Variants in GPC5 observed in about 807,000 individuals in gnomAD.
GPC5 encodes the protein glypican-5.
Under a neutral mutation model 53.9 loss-of-function variants are expected in GPC5, and 47 were observed. The observed-to-expected ratio is 0.87, with a 90% CI of 0.69 to 1.11. The LOEUF (loss-of-function observed/expected upper bound fraction) is 1.11, where lower values mean the gene tolerates loss of function less well. Ranked by LOEUF, GPC5 falls within the 50% of genes most tolerant of loss-of-function variation. GPC5 has a pLI of 0.00. For synonymous variants in GPC5, 286 were observed against 263.3 expected (o/e 1.09, Z -0.84); for missense variants, 748 against 713.1 (o/e 1.05, Z -0.56).
chr13:91,761,557 C>G (rs117838940), intron 5 of GPC5, among the ~76,000 whole-genome samples: 3,076 of 152,248 alleles, frequency 0.02, 56 homozygotes, highest in Non-Finnish European at 0.034. Context: ...GTTTCTACAA[C>G]CCCCTCTTTG....
chr13:91,612,077 T>A (rs1167896442), intron 2 of GPC5, among the ~76,000 whole-genome samples: 8 of 152,180 alleles, frequency 5.3e-5, no homozygotes, highest in Admixed American at 1.3e-4. Flanking sequence ...TAGTTATCAC[T>A]CTTAGTTGTA....
At chr13:92,807,896 T>A (rs2138794633) in intron 7 of GPC5, among the ~76,000 whole-genome samples, 1 of 152,242 alleles carries the variant, frequency 6.6e-6, no homozygotes, top group South Asian at 2.1e-4. Context: ...ATATGCCAGG[T>A]ATGAAAATTA....
chr13:92,151,511 A>G (rs2041907342), intron 7 of GPC5, among the ~76,000 whole-genome samples: 1 of 152,182 alleles, frequency 6.6e-6, no homozygotes, highest in Non-Finnish European at 1.5e-5. Flanking sequence ...GATTAAGGAC[A>G]TTTGGAACTG....
At chr13:92,672,000 T>C (rs61975943) in intron 7 of GPC5, among the ~76,000 whole-genome samples, 33,644 of 152,076 alleles carry the variant, frequency 0.22, 4,384 homozygotes, top group South Asian at 0.36. Flanking sequence ...TGCAGGGCCA[T>C]TGACTGACTC....
At chr13:92,763,828 T>A (rs2138740651) in intron 7 of GPC5, among the ~76,000 whole-genome samples, 1 of 152,134 alleles carries the variant, frequency 6.6e-6, no homozygotes, top group Admixed American at 6.5e-5. Flanking sequence ...AAGGAGGAAG[T>A]GGTGTTTTGG....
At chr13:92,629,039 C>T (rs1594362988) in intron 7 of GPC5, among the ~76,000 whole-genome samples, 1 of 152,300 alleles carries the variant, frequency 6.6e-6, no homozygotes, top group East Asian at 1.9e-4. Flanking sequence ...CTACGCCTAT[C>T]TTGTAACTTT....
intron 7 of GPC5, among the ~76,000 whole-genome samples, chr13:92,715,911 C>CTAGTT (rs1888312741): frequency 2.6e-5 from 4 of 152,118 alleles, no homozygotes; most frequent in Admixed American, 2.6e-4. Context: ...GAGAATTAAT[C>CTAGTT]TAGTTTTTGA....
chr13:92,303,300 G>T, intron 7 of GPC5, among the ~76,000 whole-genome samples: 1 of 152,064 alleles, frequency 6.6e-6, no homozygotes, highest in East Asian at 1.9e-4. Context: ...CCTGAGTTTT[G>T]TACTTGTTAG....
chr13:92,150,307 A>G, intron 7 of GPC5, among the ~76,000 whole-genome samples: 1 of 148,140 alleles, frequency 6.8e-6, no homozygotes, highest in Admixed American at 6.8e-5. Context: ...ACAAATAAAC[A>G]CTTGCAAATC....
intron 3 of GPC5, among the ~76,000 whole-genome samples, chr13:91,700,588 C>T (rs2035972209): frequency 6.6e-6 from 1 of 152,126 alleles, no homozygotes. Context: ...GTAATAGTCA[C>T]CCATGGTATA....
intron 7 of GPC5, among the ~76,000 whole-genome samples, chr13:92,317,486 TTTTTG>T (rs1441510958): frequency 2.0e-5 from 3 of 152,080 alleles, no homozygotes; most frequent in South Asian, 4.2e-4. Flanking sequence ...TGTTTTTTGT[TTTTTG>T]TTTTGTTTTG....
At chr13:92,761,866 A>C (rs1213668214) in intron 7 of GPC5, among the ~76,000 whole-genome samples, 1 of 152,154 alleles carries the variant, frequency 6.6e-6, no homozygotes, top group African/African-American at 2.4e-5. Context: ...AAATCTTGTG[A>C]GCTAGGAGAA....
intron 7 of GPC5, among the ~76,000 whole-genome samples, chr13:92,422,819 A>T (rs1002053874): frequency 4.6e-5 from 7 of 152,076 alleles, no homozygotes; most frequent in African/African-American, 1.7e-4. Flanking sequence ...TGATTACTTT[A>T]AAAAAATTTG....
chr13:91,892,503 C>CTTTATATACAAAA (rs2039397493), intron 5 of GPC5, among the ~76,000 whole-genome samples: 2 of 151,574 alleles, frequency 1.3e-5, no homozygotes, highest in Admixed American at 6.6e-5. Context: ...TTTTGATACA[C>CTTTATATACAAAA]TTTATATACA....
intron 7 of GPC5, among the ~76,000 whole-genome samples, chr13:92,205,167 C>T (rs1425322284): frequency 6.6e-6 from 1 of 152,070 alleles, no homozygotes; most frequent in Non-Finnish European, 1.5e-5. Flanking sequence ...CCTGAGCCAC[C>T]GCACCCGGCC....
intron 6 of GPC5, among the ~76,000 whole-genome samples, chr13:92,136,047 G>T (rs1182601646): frequency 1.3e-5 from 2 of 152,182 alleles, no homozygotes; most frequent in African/African-American, 4.8e-5. Context: ...AGAGGTGAGA[G>T]TTGGGTGGAG....
chr13:92,044,738 T>G (rs1185677979), intron 6 of GPC5, among the ~76,000 whole-genome samples: 1 of 152,240 alleles, frequency 6.6e-6, no homozygotes, highest in African/African-American at 2.4e-5. Flanking sequence ...TTAAATGCAC[T>G]AACAAAATTT....
At chr13:92,389,412 A>G (rs1874895349) in intron 7 of GPC5, among the ~76,000 whole-genome samples, 1 of 152,120 alleles carries the variant, frequency 6.6e-6, no homozygotes, top group South Asian at 2.1e-4. Flanking sequence ...GGGGAGGCAC[A>G]CACCTTTCAC....
intron 7 of GPC5, among the ~76,000 whole-genome samples, chr13:92,320,156 T>C (rs80101903): frequency 4.6e-5 from 7 of 152,280 alleles, no homozygotes; most frequent in African/African-American, 1.7e-4. Flanking sequence ...AGTACTGTCA[T>C]TTTCTTTTGC....
Sources: allele counts gnomAD v4.1 joint callset (sites outside exome capture counted in the v4.1 genomes callset), GRCh38; gene constraint gnomAD v4.1.1; transcripts MANE v1.5; gene names NCBI Gene and HGNC (gene_info 2026-07-23, HGNC 2026-07-21).